Variants in DYNLRB1 observed in about 807,000 individuals in gnomAD.
DYNLRB1 encodes the protein ROBL/LC7-like 1.
DYNLRB1 carries 6 observed loss-of-function variants against 13.5 expected under a neutral mutation model. The ratio of observed to expected loss-of-function variants is 0.44; its 90% CI spans 0.24 to 0.88. The LOEUF is 0.88. DYNLRB1 is among the 40% of genes least tolerant of loss of function. The pLI is 0.21. For synonymous variants in DYNLRB1, 43 were observed against 45.0 expected, an observed-to-expected ratio of 0.96 and a Z score of 0.18; for missense variants, 93 against 127.2, an observed-to-expected ratio of 0.73 and a Z score of 1.29.
intron 3 of DYNLRB1, chr20:34,536,329 C>T: frequency 4.1e-6 from 4 of 985,358 alleles, no homozygotes; most frequent in Non-Finnish European, 4.8e-6. Flanking sequence ...TGTCCTGAGC[C>T]ACCCTGCCTG....
chr20:34,515,949 C>T (rs1284754860), upstream of DYNLRB1, among the ~76,000 whole-genome samples: 2 of 152,144 alleles, frequency 1.3e-5, no homozygotes, highest in Non-Finnish European at 2.9e-5. Flanking sequence ...GGCTGGGGTG[C>T]AGTGGCGCAA....
rs1981004396 is a variant in DYNLRB1, at chr20:34,534,761, T to A, written c.213T>A (p.Ile71=). The change falls in exon 3 of 4, where the codon ATT becomes ATA. Residue 71 remains isoleucine, a synonymous_variant. Coordinates refer to ENST00000357156, the MANE Select transcript of DYNLRB1 (RefSeq NM_014183.4). ...AGAACGATCTCACCTTCCTTCGAAT[T>A]CGCTCCAAGAAAAATGAAATTATGG... is the stretch of plus-strand genomic sequence containing the variant. ...DPQNDLTFLR[I]RSKKNEIMVA... The A allele has an allele frequency of 1.2e-6, 2 of 1,614,120 alleles. No homozygotes were observed. The highest frequency in any genetic ancestry group is 1.7e-6 in the Non-Finnish European group (2 of 1,180,030).
chr20:34,521,219 C>T (rs940200952), intron 1 of DYNLRB1, among the ~76,000 whole-genome samples: 2 of 152,128 alleles, frequency 1.3e-5, no homozygotes, highest in Non-Finnish European at 2.9e-5. Flanking sequence ...CCCATGTTGG[C>T]CAGGCTGGTC....
At chr20:34,535,993 A>T in intron 3 of DYNLRB1, 2 of 985,316 alleles carry the variant, frequency 2.0e-6, no homozygotes, top group Non-Finnish European at 2.4e-6. Context: ...AGACCAGCAT[A>T]GGTTCTGTCA....
chr20:34,527,558 CCA>C (rs1220424205), intron 2 of DYNLRB1, among the ~76,000 whole-genome samples: 2 of 152,168 alleles, frequency 1.3e-5, no homozygotes, highest in Non-Finnish European at 2.9e-5. Context: ...ACAGTGTTTC[CCA>C]CACGTATTCA....
At chr20:34,526,874 C>T (rs558432461) in intron 2 of DYNLRB1, among the ~76,000 whole-genome samples, 1 of 152,248 alleles carries the variant, frequency 6.6e-6, no homozygotes, top group East Asian at 1.9e-4. Flanking sequence ...GATATTACAT[C>T]CCCATTTGTG....
chr20:34,535,654 G>A, intron 3 of DYNLRB1: 2 of 985,336 alleles, frequency 2.0e-6, no homozygotes, highest in South Asian at 4.7e-5. Flanking sequence ...ATAGTTGAGT[G>A]TGCGTGCGTC....
At chr20:34,516,303 C>T (rs1473011788), upstream of DYNLRB1, 19 of 1,241,848 alleles carry the variant, frequency 1.5e-5, no homozygotes, top group Non-Finnish European at 2.0e-5. Flanking sequence ...TTCCAAGAAT[C>T]CTGGCGGAGC....
At chr20:34,525,640 A>G (rs1980135079) in intron 1 of DYNLRB1, among the ~76,000 whole-genome samples, 1 of 152,132 alleles carries the variant, frequency 6.6e-6, no homozygotes, top group Non-Finnish European at 1.5e-5. Context: ...GACAGGAGTG[A>G]CAGGAGGCCT....
At chr20:34,528,026 T>TTTACAAAAATA (rs1266991996) in intron 2 of DYNLRB1, among the ~76,000 whole-genome samples, 2 of 134,816 alleles carry the variant, frequency 1.5e-5, no homozygotes, top group African/African-American at 5.4e-5. Flanking sequence ...CCTACTGGAG[T>TTTACAAAAATA]AGCCGGCCGG....
In DYNLRB1 at chr20:34,516,426, GT is replaced by G. The variant is rs796332335; in HGVS notation, c.-31del. 8.7e-6 allele frequency: 14 copies of G among 1,612,728 alleles called. No homozygotes were observed. In the African/African-American group the frequency reaches 1.6e-4, roughly 18 times the overall value. The stretch of plus-strand genomic sequence containing the variant: ...CAGAAAGGCACAGGACTCGCTAAGT[GT>G]TCGCTACGCGGGGCTACCGGATCGG... On this transcript the variant is annotated 5_prime_UTR_variant, in exon 1 of 4. Transcript: ENST00000357156.
chr20:34,534,667 C>T lies in DYNLRB1; in HGVS notation c.119C>T (p.Thr40Ile). ...IKSTMDNPTT[T>I]QYASLMHSFI... Reference sequence around the variant, plus strand: ...AGCACCATGGACAACCCCACCACCACCCAGTATGCCAGCCTCATGCACAGC... The same window carrying T: ...AGCACCATGGACAACCCCACCACCATCCAGTATGCCAGCCTCATGCACAGC... Residue 40 changes from threonine (T) to isoleucine (I), a missense_variant, in exon 3 of 4, where the codon ACC (threonine) becomes ATC (isoleucine). By Grantham distance (89) the Thr-to-Ile change is moderately conservative. Transcript: ENST00000357156. The T allele has an allele frequency of 6.3e-7, 1 of 1,590,434 alleles. No individual in the cohort carries two copies. Among genetic ancestry groups the T allele is most frequent in the African/African-American group, 1.3e-5 (1 of 74,802 alleles).
rs538105358 is a variant in DYNLRB1 at position 34,538,124 on chromosome 20, AT to A, written c.248-2434del. Among the ~76,000 whole-genome samples the A allele has an allele frequency of 1.4e-3, 116 of 80,066 alleles. 2 individuals are homozygous for A. In the South Asian group the frequency reaches 0.017, roughly 11 times the overall value. 52.5% of individuals were successfully genotyped at this position (80,066 alleles called of 152,430 possible). A position where few individuals can be genotyped will look rare whatever the true frequency, so the allele number is the denominator to read the frequency against. On this transcript the variant is annotated intron_variant, in intron 3 of 3. Transcript: ENST00000357156. The stretch of plus-strand genomic sequence containing the variant: ...ACAGGCATGTGTCGCCACACCCAGC[AT>A]TTTTTTTTTTTTTTTTTTTTTTGGT...
chr20:34,528,173 G>A lies in DYNLRB1; in HGVS notation c.79+1830G>A, dbSNP rs1307252572. On this transcript the variant is annotated intron_variant, in intron 2 of 3. Transcript: ENST00000357156. ...TAAAAATACAAAAAATTAGCCGGGCGTAGTGGCGGGCGCCTGTAGTCCCAG... is the reference window on the plus strand; with the variant it reads ...TAAAAATACAAAAAATTAGCCGGGCATAGTGGCGGGCGCCTGTAGTCCCAG... Among the ~76,000 whole-genome samples the A allele has an allele frequency of 4.3e-5, 4 of 92,936 alleles. 1 individual carries two copies. The highest frequency in any genetic ancestry group is 9.4e-5 in the Admixed American group (1 of 10,610). The allele number at this position is 92,936 out of a possible 152,430, so 61.0% of individuals were successfully genotyped here. A position where few individuals can be genotyped will look rare whatever the true frequency, so the allele number is the denominator to read the frequency against.
upstream of DYNLRB1, among the ~76,000 whole-genome samples, chr20:34,516,114 CGAACTCTT>C (rs572210930): frequency 2.2e-3 from 341 of 152,304 alleles, no homozygotes; most frequent in Non-Finnish European, 3.3e-3. Flanking sequence ...AGGCTGGTCT[CGAACTCTT>C]GGGCTCAAGC....
Position 34,520,016 on chromosome 20 carries a change from C to A in DYNLRB1, c.3+3555C>A, listed in dbSNP as rs576721471. On this transcript the variant is annotated intron_variant, in intron 1 of 3. Coordinates refer to ENST00000357156, the MANE Select transcript of DYNLRB1 (RefSeq NM_014183.4). Reference sequence around the variant, plus strand: ...GGAAGCCGTGCATCTGTAATTCCAGCTGCTCAGGAGGCTGAGGCACTAGAA... The same window carrying A: ...GGAAGCCGTGCATCTGTAATTCCAGATGCTCAGGAGGCTGAGGCACTAGAA... Among the ~76,000 whole-genome samples, 25 of 152,292 alleles carry A rather than the reference C, an allele frequency of 1.6e-4. No individual in the cohort carries two copies. The South Asian group carries it at 5.0e-3, about 30-fold the overall frequency.
intron 1 of DYNLRB1, among the ~76,000 whole-genome samples, chr20:34,523,409 C>G (rs1266734912): frequency 6.6e-6 from 1 of 152,210 alleles, no homozygotes; most frequent in Admixed American, 6.5e-5. Flanking sequence ...AACACTTGAT[C>G]TGCCAGGCCG....
chr20:34,530,095 C>G, intron 2 of DYNLRB1: 1 of 1,237,596 alleles, frequency 8.1e-7, no homozygotes, highest in Non-Finnish European at 1.0e-6. Flanking sequence ...GAGACAACCC[C>G]AGGGGCCAAC....
chr20:34,535,256 C>T (rs1981051465), intron 3 of DYNLRB1: 2 of 985,328 alleles, frequency 2.0e-6, no homozygotes, highest in Non-Finnish European at 2.4e-6. Flanking sequence ...AAATGTAAAG[C>T]AAAAGTACTG....
Sources: allele counts gnomAD v4.1 joint callset (sites outside exome capture counted in the v4.1 genomes callset), GRCh38; gene constraint gnomAD v4.1.1; transcripts MANE v1.5; gene names NCBI Gene and HGNC (gene_info 2026-07-23, HGNC 2026-07-21).